COL26A1: variants seen among roughly 807,000 people sequenced by gnomAD.
COL26A1 encodes the protein collagen alpha-1(XXVI) chain.
In COL26A1, 41 loss-of-function variants were observed where a neutral mutation model predicts 59.3. The observed-to-expected ratio is 0.69, with a 90% CI of 0.54 to 0.90. COL26A1 has a LOEUF of 0.90. COL26A1 is among the 40% of genes least tolerant of loss of function. The pLI, the probability that COL26A1 is intolerant of heterozygous loss-of-function variation, is 0.00. For missense variants in COL26A1, 612 were observed against 602.3 expected, an observed-to-expected ratio of 1.02 and a Z score of -0.17; for synonymous variants, 266 against 256.0, an observed-to-expected ratio of 1.04 and a Z score of -0.37.
intron 1 of COL26A1, among the ~76,000 whole-genome samples, chr7:101,414,680 G>A (rs543454676): frequency 8.8e-4 from 134 of 152,162 alleles, no homozygotes; most frequent in African/African-American, 3.1e-3. Context: ...CATGTGATCC[G>A]CCCATCTCGG....
In COL26A1 at chr7:101,557,360, C is replaced by G. The variant is rs375953319; in HGVS notation, c.1166-10C>G. On this transcript the variant is annotated splice_polypyrimidine_tract_variant and intron_variant, in intron 12 of 12. Transcript: ENST00000313669. ...TCTACCTCGAGTCCACCCTCCTGCT[C>G]TCCTTCCAGATCCCCTGGCCTCCCC... 241 of 1,610,130 alleles carry G rather than the reference C, an allele frequency of 1.5e-4. No individual in the cohort carries two copies. In the African/African-American group the frequency reaches 2.7e-3, roughly 18 times the overall value.
At chr7:101,432,247 C>T (rs1792800115) in intron 2 of COL26A1, among the ~76,000 whole-genome samples, 1 of 152,100 alleles carries the variant, frequency 6.6e-6, no homozygotes, top group Non-Finnish European at 1.5e-5. Context: ...CAGGCATGAG[C>T]CACCATGTCC....
chr7:101,421,192 C>G (rs992550954), intron 2 of COL26A1, among the ~76,000 whole-genome samples: 3 of 152,118 alleles, frequency 2.0e-5, no homozygotes, highest in South Asian at 2.1e-4. Context: ...TTATTCCAAA[C>G]CTGCAGGGTG....
intron 3 of COL26A1, among the ~76,000 whole-genome samples, chr7:101,522,755 T>C (rs1216012064): frequency 6.6e-6 from 1 of 152,064 alleles, no homozygotes; most frequent in East Asian, 1.9e-4. Flanking sequence ...GTTGTACCAT[T>C]GATACTCCCA....
intron 2 of COL26A1, among the ~76,000 whole-genome samples, chr7:101,446,291 G>A (rs967178320): frequency 1.3e-5 from 2 of 152,086 alleles, no homozygotes; most frequent in Non-Finnish European, 2.9e-5. Flanking sequence ...CACATACATT[G>A]CATTCATTAC....
intron 1 of COL26A1, among the ~76,000 whole-genome samples, chr7:101,376,636 A>G (rs1160305987): frequency 6.6e-6 from 1 of 152,108 alleles, no homozygotes; most frequent in Non-Finnish European, 1.5e-5. Context: ...CAGAAGCTGT[A>G]ATCCTGATGG....
At chr7:101,545,307 G>A (rs1309368257) in intron 6 of COL26A1, 31 bp from the exon 7 acceptor site, 2 of 1,534,778 alleles carry the variant, frequency 1.3e-6, no homozygotes, top group South Asian at 1.2e-5. Context: ...GGCTCCGGCT[G>A]CCACAGTGAC....
intron 3 of COL26A1, among the ~76,000 whole-genome samples, chr7:101,493,757 TAA>T (rs57268952): frequency 0.15 from 10,546 of 68,954 alleles, 569 homozygotes; most frequent in Non-Finnish European, 0.17. Flanking sequence ...CCATCTCTAC[TAA>T]AAAAAAAAAA....
At chr7:101,502,800 C>T (rs1043379721) in intron 3 of COL26A1, among the ~76,000 whole-genome samples, 2 of 152,234 alleles carry the variant, frequency 1.3e-5, no homozygotes, top group South Asian at 2.1e-4. Context: ...GCTCCCCAAG[C>T]GGCTGTCCAA....
intron 3 of COL26A1, among the ~76,000 whole-genome samples, chr7:101,496,756 C>T (rs1482334345): frequency 6.6e-6 from 1 of 151,872 alleles, no homozygotes; most frequent in South Asian, 2.1e-4. Context: ...CGTGATGGCG[C>T]GTGCCTGTAA....
intron 1 of COL26A1, among the ~76,000 whole-genome samples, chr7:101,405,026 A>G (rs1792094697): frequency 6.6e-6 from 1 of 152,158 alleles, no homozygotes; most frequent in African/African-American, 2.4e-5. Context: ...GATCGAGACC[A>G]TCCTGGCTAA....
rs1005685206 is a variant in COL26A1 at position 101,551,039 on chromosome 7, G to C, written c.994-69G>C. On this transcript the variant is annotated intron_variant, in intron 9 of 12. Coordinates refer to ENST00000313669, the MANE Select transcript of COL26A1 (RefSeq NM_001278563.3). ...CAGAGCACAGTGGGCGGGGAGGGGG[G>C]TGGCCAGAGGGCACTGGAGACTTGG... 21 of 1,477,682 alleles carry C rather than the reference G, an allele frequency of 1.4e-5. No individual in the cohort carries two copies. The Admixed American group carries it at 3.1e-4, about 22-fold the overall frequency. The allele number at this position is 1,477,682 out of a possible 1,614,324, so 91.5% of individuals were successfully genotyped here.
At chr7:101,538,139 C>T (rs1278492484) in intron 4 of COL26A1, among the ~76,000 whole-genome samples, 1 of 152,192 alleles carries the variant, frequency 6.6e-6, no homozygotes, top group South Asian at 2.1e-4. Flanking sequence ...CCTTCCATCA[C>T]GTGACCTGAC....
At chr7:101,492,564 G>C (rs1326590716) in intron 3 of COL26A1, among the ~76,000 whole-genome samples, 3 of 151,642 alleles carry the variant, frequency 2.0e-5, no homozygotes, top group Non-Finnish European at 4.4e-5. Flanking sequence ...GGGTGTGGTG[G>C]TGGGCGCCTG....
chr7:101,460,705 C>T lies in COL26A1; in HGVS notation c.385+12918C>T, dbSNP rs535262821. ...CTGAGGCAGAAGAATCGCTTGAACC[C>T]GGGAGGCGGAGGTTCCAATAAGCCG... On this transcript the variant is annotated intron_variant, in intron 3 of 12. Transcript: ENST00000313669. 3.3e-5 allele frequency among the ~76,000 whole-genome samples: 5 copies of T among 152,014 alleles called. No individual in the cohort carries two copies. In the East Asian group the frequency reaches 5.8e-4, roughly 18 times the overall value.
At chr7:101,529,053 C>G (rs908004009) in intron 3 of COL26A1, among the ~76,000 whole-genome samples, 1 of 151,904 alleles carries the variant, frequency 6.6e-6, no homozygotes, top group Non-Finnish European at 1.5e-5. Context: ...GTAGTCCCAG[C>G]TACTTGGGAG....
At chr7:101,531,214 T>A (rs1243968619) in intron 3 of COL26A1, among the ~76,000 whole-genome samples, 1 of 152,112 alleles carries the variant, frequency 6.6e-6, no homozygotes, top group Non-Finnish European at 1.5e-5. Context: ...CTCATGATCC[T>A]CCCGCCTTGG....
At chr7:101,530,428 C>T (rs369541737) in intron 3 of COL26A1, among the ~76,000 whole-genome samples, 5 of 151,550 alleles carry the variant, frequency 3.3e-5, no homozygotes, top group South Asian at 2.1e-4. Flanking sequence ...ACTAGCCGGG[C>T]GTGGTGATGC....
At chr7:101,554,509 A>C (rs1351103522) in intron 11 of COL26A1, among the ~76,000 whole-genome samples, 4 of 149,270 alleles carry the variant, frequency 2.7e-5, no homozygotes, top group African/African-American at 9.9e-5. Context: ...AGGTAGGAGA[A>C]TCGCTTGAGC....
Sources: allele counts gnomAD v4.1 joint callset (sites outside exome capture counted in the v4.1 genomes callset), GRCh38; gene constraint gnomAD v4.1.1; transcripts MANE v1.5; gene names NCBI Gene and HGNC (gene_info 2026-07-23, HGNC 2026-07-21).